Variants in CAPRIN2 observed in about 807,000 individuals in gnomAD.
CAPRIN2 encodes the protein caprin family member 2, also known as caprin-2.
Under a neutral mutation model 130.4 loss-of-function variants are expected in CAPRIN2, and 66 were observed. The observed-to-expected ratio is 0.51, with a 90% confidence interval of 0.42 to 0.62. CAPRIN2 has a LOEUF of 0.62. Ranked by LOEUF, CAPRIN2 falls within the 20% of genes least tolerant of loss-of-function variation. The pLI is 0.00. For missense variants in CAPRIN2, 1,185 were observed against 1,246.6 expected (o/e 0.95, Z 0.74); for synonymous variants, 471 against 444.1 (o/e 1.06, Z -0.76).
chr12:30,753,078 T>C (rs192596828), intron 1 of CAPRIN2, among the ~76,000 whole-genome samples: 31 of 152,348 alleles, frequency 2.0e-4, no homozygotes, highest in African/African-American at 6.5e-4. Flanking sequence ...ACATAAGGAA[T>C]TAATCTCACC....
rs2054208232 is a variant in CAPRIN2, at chr12:30,710,933, C to T, written c.2666-463G>A. Among the ~76,000 whole-genome samples the T allele has an allele frequency of 6.6e-6, 1 of 152,146 alleles. No homozygotes were observed. Among genetic ancestry groups the T allele is most frequent in the Admixed American group, 6.6e-5 (1 of 15,264 alleles). On this transcript the variant is annotated intron_variant, in intron 16 of 16. Coordinates refer to ENST00000298892, the Ensembl canonical transcript of CAPRIN2. The surrounding 1 kb of genome is among the most constrained non-coding windows in gnomAD (Gnocchi z 4.8). Reference sequence around the variant, plus strand: ...AGATATATTGATATGGAACTAAGTCCCATGATGATGAATGCTTTTTTTATT... The same window carrying T: ...AGATATATTGATATGGAACTAAGTCTCATGATGATGAATGCTTTTTTTATT...
At chr12:30,753,813 A>C (rs1421175151) in exon 1 of CAPRIN2, 1 of 1,516,474 alleles carries the variant, frequency 6.6e-7, no homozygotes, top group Admixed American at 2.1e-5. Flanking sequence ...TAGCCTTTAC[A>C]TAGGCAAAAT....
intron 8 of CAPRIN2, among the ~76,000 whole-genome samples, chr12:30,727,258 G>A (rs1784043658): frequency 6.6e-6 from 1 of 152,094 alleles, no homozygotes; most frequent in Non-Finnish European, 1.5e-5. Flanking sequence ...AAATAAAGCT[G>A]ACAATCTTCT....
intron 9 of CAPRIN2, among the ~76,000 whole-genome samples, chr12:30,724,909 G>A (rs546100258): frequency 6.6e-6 from 1 of 152,228 alleles, no homozygotes; most frequent in South Asian, 2.1e-4. Context: ...CAAGAGGATC[G>A]CTTGAGCCCA....
chr12:30,711,696 G>T lies in CAPRIN2; in HGVS notation c.2602-67C>A, dbSNP rs1314093971. The T allele has an allele frequency of 7.3e-5, 95 of 1,299,852 alleles. 1 individual carries two copies. Among genetic ancestry groups the T allele is most frequent in the Non-Finnish European group, 5.6e-6 (5 of 894,452 alleles). 80.5% of individuals were successfully genotyped at this position (1,299,852 alleles called of 1,614,324 possible). A position where few individuals can be genotyped will look rare whatever the true frequency, so the allele number is the denominator to read the frequency against. On this transcript the variant is annotated intron_variant, in intron 15 of 16. Coordinates refer to ENST00000298892, the Ensembl canonical transcript of CAPRIN2. The stretch of plus-strand genomic sequence containing the variant: ...AGGACTATAATTGGTTATTACACAG[G>T]ACTACCGGCTGGCAAATAAGATTAG...
chr12:30,713,526 C>T (rs1238477060), intron 15 of CAPRIN2, among the ~76,000 whole-genome samples: 1 of 152,186 alleles, frequency 6.6e-6, no homozygotes, highest in African/African-American at 2.4e-5. Context: ...GGTGGAAGAG[C>T]AAATGAGTTA....
At position 30,713,772 on chromosome 12, in the gene CAPRIN2, T is replaced by G. The variant is rs2056316382; in HGVS notation, c.2601+13A>C. ...TGTACCACTATTCAACTATGACAAC[T>G]ATTCTTACTTACCCTTTGGGAATAA... On this transcript the variant is annotated intron_variant, in intron 15 of 16. Coordinates refer to ENST00000298892, the Ensembl canonical transcript of CAPRIN2. The G allele has an allele frequency of 2.8e-6, 4 of 1,441,890 alleles. No homozygotes were observed. In the African/African-American group the frequency reaches 5.6e-5, roughly 20 times the overall value. The allele number at this position is 1,441,890 out of a possible 1,614,324, so 89.3% of individuals were successfully genotyped here. A position where few individuals can be genotyped will look rare whatever the true frequency, so the allele number is the denominator to read the frequency against.
chr12:30,753,909 A>T (rs1375810535), exon 1 of CAPRIN2: 7 of 701,958 alleles, frequency 1.0e-5, no homozygotes, highest in South Asian at 9.4e-5. Flanking sequence ...CTTTCTTCTC[A>T]TGAGGGCAGA....
chr12:30,720,677 A>C, intron 12 of CAPRIN2, 134 bp downstream of exon 13: 2 of 584,818 alleles, frequency 3.4e-6, no homozygotes, highest in Non-Finnish European at 6.1e-6. Flanking sequence ...CAAGATCACA[A>C]TATCTATAGA....
chr12:30,751,968 G>C (rs1425593981), intron 1 of CAPRIN2, among the ~76,000 whole-genome samples: 3 of 142,820 alleles, frequency 2.1e-5, no homozygotes, highest in African/African-American at 7.9e-5. Context: ...GCCCAGGCTG[G>C]AGTGCAGTGT....
Position 30,711,641 on chromosome 12 carries a change from A to T in CAPRIN2, c.2602-12T>A. ...TGCTGGAAATTATCCTAAAGTGAAC[A>T]TATAATATTTACCTTGGCATCAAAA... On this transcript the variant is annotated splice_polypyrimidine_tract_variant and intron_variant, in intron 15 of 16. Transcript: ENST00000298892. 2 of 1,608,314 alleles carry T rather than the reference A, an allele frequency of 1.2e-6. No individual in the cohort carries two copies. The highest frequency in any genetic ancestry group is 1.7e-6 in the Non-Finnish European group (2 of 1,174,716).
At chr12:30,739,823 G>A (rs1361999514) in intron 3 of CAPRIN2, among the ~76,000 whole-genome samples, 1 of 152,044 alleles carries the variant, frequency 6.6e-6, no homozygotes, top group Non-Finnish European at 1.5e-5. Flanking sequence ...AAATCAAGTG[G>A]AGCTGCATAA....
chr12:30,728,125 T>C (rs1002194547), intron 8 of CAPRIN2, among the ~76,000 whole-genome samples: 4 of 152,200 alleles, frequency 2.6e-5, no homozygotes, highest in Admixed American at 6.5e-5. Context: ...TAAAACAACA[T>C]TTTATAATTG....
intron 3 of CAPRIN2, among the ~76,000 whole-genome samples, chr12:30,739,694 G>A (rs1424767177): frequency 4.1e-5 from 6 of 148,016 alleles, no homozygotes; most frequent in Non-Finnish European, 5.9e-5. Flanking sequence ...CAGCCTGGGC[G>A]ACAGGGCAAG....
intron 15 of CAPRIN2, 84 bp downstream of exon 17, chr12:30,713,701 T>C (rs1215171074): frequency 1.3e-6 from 1 of 780,480 alleles, no homozygotes; most frequent in Admixed American, 2.2e-5. Flanking sequence ...AGAAAACAAA[T>C]TATGACTCTG....
chr12:30,723,342 A>G, intron 10 of CAPRIN2, 28 bp from the exon 12 acceptor site: 1 of 1,539,802 alleles, frequency 6.5e-7, no homozygotes, highest in Non-Finnish European at 9.0e-7. Flanking sequence ...AACAGTAACT[A>G]CTGAGGGAAG....
intron 11 of CAPRIN2, among the ~76,000 whole-genome samples, chr12:30,721,237 A>G (rs988079075): frequency 5.3e-5 from 8 of 152,308 alleles, no homozygotes; most frequent in East Asian, 3.9e-4. Context: ...CTGGTCACCA[A>G]AACTACACAT....
At chr12:30,729,346 C>T in intron 7 of CAPRIN2, 21 bp from the exon 9 acceptor site, 1 of 1,509,918 alleles carries the variant, frequency 6.6e-7, no homozygotes, top group Non-Finnish European at 8.9e-7. Context: ...AAACAATGCA[C>T]TTAAGTCACA....
intron 1 of CAPRIN2, 110 bp from the exon 3 acceptor site, chr12:30,751,243 A>C (rs1456169603): frequency 1.2e-6 from 1 of 819,980 alleles, no homozygotes. Flanking sequence ...GTAAGCTATC[A>C]ATCTGCAAGA....
Sources: gnomAD v4.1 joint callset for allele counts (sites outside exome capture counted in the v4.1 genomes callset) on GRCh38, gnomAD v4.1.1 for gene constraint, Gnocchi (gnomAD v3.1) non-coding constraint, MANE v1.5 for transcripts, NCBI Gene and HGNC (gene_info 2026-07-23, HGNC 2026-07-21) for gene names.